ESR1: variants seen among roughly 807,000 people sequenced by gnomAD.
ESR1 encodes the protein estrogen receptor 1.
Under a neutral mutation model 52.7 loss-of-function variants are expected in ESR1, and 12 were observed. That is an observed-to-expected ratio of 0.23 (90% CI 0.15 to 0.37). ESR1 has a LOEUF of 0.37. Ranked by LOEUF, ESR1 falls within the 10% of genes least tolerant of loss-of-function variation. The pLI is 1.00. For synonymous variants in ESR1, 305 were observed against 316.8 expected (o/e 0.96, Z 0.39); for missense variants, 584 against 779.7 (o/e 0.75, Z 2.99).
chr6:151,945,325 T>G (rs1257615297), intron 4 of ESR1, among the ~76,000 whole-genome samples: 1 of 152,226 alleles, frequency 6.6e-6, no homozygotes, highest in East Asian at 1.9e-4. Flanking sequence ...ACCTGGTGTA[T>G]GCTTAGTGTT....
At chr6:151,668,837 A>G (rs1043128398) in intron 1 of ESR1, among the ~76,000 whole-genome samples, 1 of 152,120 alleles carries the variant, frequency 6.6e-6, no homozygotes, top group African/African-American at 2.4e-5. Context: ...GAGAAAGGGC[A>G]TTTGAACTTG....
intron 2 of ESR1, among the ~76,000 whole-genome samples, chr6:151,732,568 G>T (rs1376168129): frequency 7.0e-6 from 1 of 143,580 alleles, no homozygotes; most frequent in Non-Finnish European, 1.5e-5. Context: ...GATTTTATGA[G>T]GTTTGTCTCA....
At position 152,100,216 on chromosome 6, in the gene ESR1, A is replaced by C. The variant is rs1291659817; in HGVS notation, c.*1250A>C. 1.0e-5 allele frequency: 4 copies of C among 396,430 alleles called. No homozygotes were observed. Among genetic ancestry groups the C allele is most frequent in the Non-Finnish European group, 1.8e-5 (4 of 225,262 alleles). 24.6% of individuals were successfully genotyped at this position (396,430 alleles called of 1,614,324 possible). On this transcript the variant is annotated 3_prime_UTR_variant, in exon 8 of 8. Transcript: ENST00000206249. ...TTCCCAGCGTGGCCCTGGTTGGAAG[A>C]AGCAGCTGTCACAGCTGCTGTAGAC...
At chr6:151,706,887 C>T (rs1254616440) in intron 2 of ESR1, among the ~76,000 whole-genome samples, 1 of 152,192 alleles carries the variant, frequency 6.6e-6, no homozygotes, top group African/African-American at 2.4e-5. Context: ...TCTGTATAGC[C>T]TCTCTGAGAG....
chr6:152,124,193 T>C (rs920536845), intron 6 of ESR1, among the ~76,000 whole-genome samples: 15 of 152,010 alleles, frequency 9.9e-5, no homozygotes, highest in Non-Finnish European at 2.1e-4. Context: ...GTAGTCCCAG[T>C]CACTTGGGAG....
intron 2 of ESR1, among the ~76,000 whole-genome samples, chr6:151,868,410 C>T (rs1244645034): frequency 6.6e-6 from 1 of 152,136 alleles, no homozygotes; most frequent in Admixed American, 6.6e-5. Context: ...TTACAGGCGT[C>T]AGCCACTGTG....
At chr6:151,880,501 C>T (rs1209466364) in intron 2 of ESR1, among the ~76,000 whole-genome samples, 154 bp from the exon 3 acceptor site, 1 of 152,054 alleles carries the variant, frequency 6.6e-6, no homozygotes, top group Admixed American at 6.6e-5. Flanking sequence ...TTTGTTTGCA[C>T]TTCAAGAAGG....
intron 5 of ESR1, among the ~76,000 whole-genome samples, chr6:152,012,220 C>T (rs570886552): frequency 6.6e-5 from 10 of 152,024 alleles, no homozygotes; most frequent in Non-Finnish European, 1.0e-4. Flanking sequence ...TTTTCCCATC[C>T]GTAAAATGAA....
intron 5 of ESR1, among the ~76,000 whole-genome samples, chr6:152,031,465 T>C (rs1015045324): frequency 6.6e-6 from 1 of 152,082 alleles, no homozygotes; most frequent in Non-Finnish European, 1.5e-5. Context: ...ATATCACCAC[T>C]GATCCCACAG....
intron 6 of ESR1, among the ~76,000 whole-genome samples, chr6:152,115,298 A>G (rs2051197531): frequency 6.6e-6 from 1 of 152,212 alleles, no homozygotes; most frequent in South Asian, 2.1e-4. Context: ...CTAGGTATGC[A>G]CTATAATTAA....
intron 3 of ESR1, among the ~76,000 whole-genome samples, chr6:151,895,791 A>T (rs1795403145): frequency 6.6e-6 from 1 of 152,070 alleles, no homozygotes; most frequent in South Asian, 2.1e-4. Flanking sequence ...TGATTTGGTT[A>T]GCTAGTATTT....
chr6:151,818,275 A>G (rs1402436816), intron 1 of ESR1, among the ~76,000 whole-genome samples: 1 of 152,190 alleles, frequency 6.6e-6, no homozygotes, highest in Non-Finnish European at 1.5e-5. Context: ...AGAGATATGT[A>G]TAAATGCAAG....
intron 5 of ESR1, among the ~76,000 whole-genome samples, chr6:152,035,843 C>T (rs1436557179): frequency 6.6e-6 from 1 of 152,098 alleles, no homozygotes; most frequent in Non-Finnish European, 1.5e-5. Context: ...ATGGTCCTGA[C>T]ACAATTGATA....
chr6:152,125,410 G>A (rs905212982), exon 7 of ESR1: 72 of 1,506,592 alleles, frequency 4.8e-5, no homozygotes, highest in Admixed American at 1.3e-4. Context: ...GTGGACGTGG[G>A]GACATTTTGT....
At chr6:152,105,450 G>C (rs2051052830), downstream of ESR1, among the ~76,000 whole-genome samples, 1 of 149,014 alleles carries the variant, frequency 6.7e-6, no homozygotes, top group Non-Finnish European at 1.5e-5. Flanking sequence ...TTTTGAGATG[G>C]AGTTTTGTTC....
chr6:151,786,085 C>T (rs1384537424), intron 2 of ESR1, among the ~76,000 whole-genome samples: 1 of 152,128 alleles, frequency 6.6e-6, no homozygotes, highest in Admixed American at 6.5e-5. Flanking sequence ...CAAGGCCCTG[C>T]CCGCCCCAAC....
intron 2 of ESR1, among the ~76,000 whole-genome samples, chr6:151,850,122 A>G (rs1286588712): frequency 7.6e-5 from 11 of 143,988 alleles, no homozygotes; most frequent in African/African-American, 2.8e-4. Flanking sequence ...AATTATATAT[A>G]TATGTCTGGT....
chr6:151,708,738 T>C (rs1019080528), intron 2 of ESR1, among the ~76,000 whole-genome samples: 3 of 152,184 alleles, frequency 2.0e-5, no homozygotes, highest in Non-Finnish European at 4.4e-5. Context: ...TTGACCTATT[T>C]CTCCCTTATA....
intron 1 of ESR1, among the ~76,000 whole-genome samples, chr6:151,809,447 AG>A (rs1337189280): frequency 3.9e-5 from 6 of 152,202 alleles, no homozygotes; most frequent in African/African-American, 1.4e-4. Context: ...AGGTGGCCAC[AG>A]GACAGGTGTA....
Sources: gnomAD v4.1 joint callset for allele counts (sites outside exome capture counted in the v4.1 genomes callset) on GRCh38, gnomAD v4.1.1 for gene constraint, MANE v1.5 for transcripts, NCBI Gene and HGNC (gene_info 2026-07-23, HGNC 2026-07-21) for gene names.